DENND2B: variants seen among roughly 807,000 people sequenced by gnomAD.
The protein encoded by DENND2B is DENN domain-containing protein 2B.
Under a neutral mutation model 116.0 loss-of-function variants are expected in DENND2B, and 32 were observed. That is an observed-to-expected ratio of 0.28 (90% CI 0.21 to 0.37). DENND2B has a LOEUF of 0.37. Among genes scored for constraint, DENND2B ranks in the 10% least tolerant of loss-of-function variants. The probability of loss-of-function intolerance (pLI) is 1.00; values close to 1 mark genes in which losing one functional copy is unlikely to be tolerated. For synonymous variants in DENND2B, 588 were observed against 583.9 expected (o/e 1.01, Z -0.10); for missense variants, 1,276 against 1,477.7 (o/e 0.86, Z 2.24).
intron 3 of DENND2B, among the ~76,000 whole-genome samples, chr11:8,856,062 A>T (rs1375913212): frequency 2.0e-5 from 3 of 152,216 alleles, no homozygotes; most frequent in Admixed American, 6.5e-5. Flanking sequence ...ACATAAGTGA[A>T]CAGGCTGAAC....
At chr11:8,796,797 G>C (rs758333314) in intron 1 of DENND2B, among the ~76,000 whole-genome samples, 1 of 152,128 alleles carries the variant, frequency 6.6e-6, no homozygotes, top group East Asian at 1.9e-4. Flanking sequence ...CTTATGGAGC[G>C]TTAAGGAGAA....
At chr11:8,699,131 G>A in intron 15 of DENND2B, 82 bp downstream of exon 15, 1 of 1,511,896 alleles carries the variant, frequency 6.6e-7, no homozygotes, top group Middle Eastern at 2.4e-4. Flanking sequence ...GCCTGGTAAA[G>A]AGGCCGAGGG....
At chr11:8,891,543 A>C (rs2064033318) in intron 1 of DENND2B, among the ~76,000 whole-genome samples, 1 of 152,212 alleles carries the variant, frequency 6.6e-6, no homozygotes. Context: ...GGGATGGAGG[A>C]AGATCTACCA....
At chr11:8,846,254 T>C (rs936447103) in intron 3 of DENND2B, among the ~76,000 whole-genome samples, 1 of 152,006 alleles carries the variant, frequency 6.6e-6, no homozygotes, top group African/African-American at 2.4e-5. Context: ...AGAGAACAAG[T>C]AGCAAGGAGC....
chr11:8,736,589 G>A (rs1166049440), intron 2 of DENND2B, among the ~76,000 whole-genome samples: 1 of 152,130 alleles, frequency 6.6e-6, no homozygotes, highest in African/African-American at 2.4e-5. Flanking sequence ...GGAGGTCAGG[G>A]AAGCCCCTCT....
At chr11:8,897,223 C>T (rs2064113348) in intron 1 of DENND2B, among the ~76,000 whole-genome samples, 1 of 152,158 alleles carries the variant, frequency 6.6e-6, no homozygotes, top group Non-Finnish European at 1.5e-5. Context: ...CGCCACTGCA[C>T]TCCAGCCTGG....
At chr11:8,835,007 A>G (rs2134595209) in intron 4 of DENND2B, among the ~76,000 whole-genome samples, 1 of 152,320 alleles carries the variant, frequency 6.6e-6, no homozygotes, top group South Asian at 2.1e-4. Context: ...TCACTTTGGG[A>G]GGCCAAGGTG....
At chr11:8,827,546 G>A (rs2062025860) in intron 4 of DENND2B, among the ~76,000 whole-genome samples, 1 of 152,190 alleles carries the variant, frequency 6.6e-6, no homozygotes. Context: ...GCATACTCTG[G>A]GAAAATTTGG....
intron 1 of DENND2B, among the ~76,000 whole-genome samples, chr11:8,908,086 C>T (rs546968407): frequency 6.6e-6 from 1 of 152,278 alleles, no homozygotes; most frequent in South Asian, 2.1e-4. Context: ...ACACCCGCTA[C>T]TTAACAGGTC....
At chr11:8,785,046 C>T (rs570268170) in intron 1 of DENND2B, 7 of 152,292 alleles carry the variant, frequency 4.6e-5, no homozygotes, top group African/African-American at 1.7e-4. Context: ...CCCCCTCTAA[C>T]ACAGCCGCCA....
intron 1 of DENND2B, among the ~76,000 whole-genome samples, chr11:8,791,216 A>G (rs539008948): frequency 1.3e-5 from 2 of 152,294 alleles, no homozygotes; most frequent in South Asian, 4.2e-4. Flanking sequence ...AAGCAGGTAA[A>G]ATTTTTAAGG....
At chr11:8,697,840 G>A (rs1436181071) in intron 16 of DENND2B, 2 of 592,234 alleles carry the variant, frequency 3.4e-6, no homozygotes, top group Non-Finnish European at 6.1e-6. Flanking sequence ...GATTAAAAGT[G>A]GTAGAGGGTC....
chr11:8,782,078 G>A (rs543034721), intron 1 of DENND2B, among the ~76,000 whole-genome samples: 7 of 152,226 alleles, frequency 4.6e-5, no homozygotes, highest in Admixed American at 3.3e-4. Context: ...GGTAGCTGGC[G>A]TACACAAACT....
At chr11:8,728,222 C>T (rs757138139) in intron 3 of DENND2B, among the ~76,000 whole-genome samples, 1 of 152,224 alleles carries the variant, frequency 6.6e-6, no homozygotes, top group African/African-American at 2.4e-5. Context: ...CAGGCTGTCT[C>T]GAACTCCTGG....
At position 8,730,863 on chromosome 11, in the gene DENND2B, G is replaced by GC. The variant is rs1164152390; in HGVS notation, c.426dup (p.Pro143AlafsTer57). The GC allele has an allele frequency of 6.2e-7, 1 of 1,613,546 alleles. No individual in the cohort carries two copies. The highest frequency in any genetic ancestry group is 8.5e-7 in the Non-Finnish European group (1 of 1,180,008). ...AAGACGCCCCGGGGGCCAGCTGCTGGCCCCGGGAATGGCGTGCTCTGGGCA... is the reference window on the plus strand; with the variant it reads ...AAGACGCCCCGGGGGCCAGCTGCTGGCCCCCGGGAATGGCGTGCTCTGGGCA... On this transcript the variant is annotated frameshift_variant, in exon 3 of 20. Coordinates refer to ENST00000313726, the MANE Select transcript of DENND2B (RefSeq NM_213618.2). LOFTEE classifies it high-confidence loss of function. The surrounding 1 kb of genome is among the most constrained non-coding windows in gnomAD (Gnocchi z 4.1).
rs1358882913 is a variant in DENND2B, at chr11:8,810,571, G to A, written c.-80C>T. On this transcript the variant is annotated 5_prime_UTR_variant, in exon 1 of 20. Coordinates refer to ENST00000313726, the MANE Select transcript of DENND2B (RefSeq NM_213618.2). Reference sequence around the variant, plus strand: ...CCATTCTCACACCGCAGCCGGCTAGGGAGCCCAGGGCCCCCAAATCCACTG... The same window carrying A: ...CCATTCTCACACCGCAGCCGGCTAGAGAGCCCAGGGCCCCCAAATCCACTG... 6.6e-6 allele frequency: 1 copy of A among 152,256 alleles called. No individual in the cohort carries two copies. The highest frequency in any genetic ancestry group is 1.5e-5 in the Non-Finnish European group (1 of 68,082). The allele number at this position is 152,256 out of a possible 1,614,324, so 9.4% of individuals were successfully genotyped here. A position where few individuals can be genotyped will look rare whatever the true frequency, so the allele number is the denominator to read the frequency against.
rs571897178 is a variant in DENND2B, at chr11:8,877,535, T to C, written c.-156+3475A>G. The C allele has an allele frequency of 5.3e-5, 8 of 152,338 alleles. No homozygotes were observed. The East Asian group carries it at 1.2e-3, about 22-fold the overall frequency. The allele number at this position is 152,338 out of a possible 1,614,324, so 9.4% of individuals were successfully genotyped here. On this transcript the variant is annotated intron_variant, in intron 2 of 22. Transcript: ENST00000534127. ...GAACCAGCCTGAAGATAATTTTTTA[T>C]TGGAAGAAATTAAAGTCTAAAAATT...
chr11:8,725,722 CAG>C (rs2046981751), intron 4 of DENND2B, among the ~76,000 whole-genome samples: 1 of 152,264 alleles, frequency 6.6e-6, no homozygotes, highest in Admixed American at 6.5e-5. Context: ...AAGAGAAAAA[CAG>C]AGTCTTCACA....
intron 1 of DENND2B, among the ~76,000 whole-genome samples, chr11:8,792,509 GA>G (rs906690031): frequency 3.3e-5 from 5 of 152,040 alleles, no homozygotes; most frequent in Admixed American, 2.0e-4. Context: ...TTTATTGGGG[GA>G]AAAATTATCA....
Sources: allele counts gnomAD v4.1 joint callset (sites outside exome capture counted in the v4.1 genomes callset), GRCh38; gene constraint gnomAD v4.1.1; non-coding constraint Gnocchi (gnomAD v3.1); transcripts MANE v1.5; gene names NCBI Gene and HGNC (gene_info 2026-07-23, HGNC 2026-07-21).